Variants in GPC5 observed in about 807,000 individuals in gnomAD.
GPC5 encodes the protein glypican 5, also known as glypican-5.
GPC5 carries 47 observed loss-of-function variants against 53.9 expected under a neutral mutation model. The observed-to-expected ratio is 0.87, with a 90% CI of 0.69 to 1.11. The LOEUF (loss-of-function observed/expected upper bound fraction) is 1.11, where lower values mean the gene tolerates loss of function less well. Ranked by LOEUF, GPC5 falls within the 50% of genes most tolerant of loss-of-function variation. The pLI is 0.00. For missense variants in GPC5, 748 were observed against 713.1 expected, an observed-to-expected ratio of 1.05 and a Z score of -0.56; for synonymous variants, 286 against 263.3, an observed-to-expected ratio of 1.09 and a Z score of -0.84.
intron 7 of GPC5, among the ~76,000 whole-genome samples, chr13:92,390,146 A>G (rs1874928286): frequency 6.6e-6 from 1 of 152,184 alleles, no homozygotes. Flanking sequence ...GTCTAATGTA[A>G]TAGTTTGTCC....
intron 7 of GPC5, among the ~76,000 whole-genome samples, chr13:92,570,743 A>C (rs9584042): frequency 0.036 from 5,545 of 152,222 alleles, 288 homozygotes; most frequent in African/African-American, 0.11. Flanking sequence ...TTCAAAAGAA[A>C]GGGTGTCTGA....
rs1342590521 is a variant in GPC5 at position 92,235,483 on chromosome 13, T to C, written c.1561+90494T>C. Among the ~76,000 whole-genome samples, 5 of 152,270 alleles carry C rather than the reference T, an allele frequency of 3.3e-5. No individual in the cohort carries two copies. The South Asian group carries it at 8.3e-4, about 25-fold the overall frequency. Reference sequence around the variant, plus strand: ...AATTTTCATACCCATATTCCACACATTTATTTCACCCTTTTCTACTCATTC... The same window carrying C: ...AATTTTCATACCCATATTCCACACACTTATTTCACCCTTTTCTACTCATTC... On this transcript the variant is annotated intron_variant, in intron 7 of 7. Transcript: ENST00000377067.
At chr13:92,504,661 A>C (rs907684545) in intron 7 of GPC5, among the ~76,000 whole-genome samples, 4 of 152,146 alleles carry the variant, frequency 2.6e-5, no homozygotes, top group African/African-American at 9.6e-5. Flanking sequence ...GTCACAGAGA[A>C]GATAATCCAG....
intron 6 of GPC5, among the ~76,000 whole-genome samples, chr13:92,042,905 G>A (rs2040952598): frequency 6.6e-6 from 1 of 152,120 alleles, no homozygotes; most frequent in African/African-American, 2.4e-5. Flanking sequence ...CAGAATATTT[G>A]TAAACAATAC....
chr13:92,300,728 A>G (rs2043069894), intron 7 of GPC5, among the ~76,000 whole-genome samples: 2 of 152,230 alleles, frequency 1.3e-5, no homozygotes, highest in Non-Finnish European at 2.9e-5. Context: ...TGAGGTACCT[A>G]TCTTAAGCAA....
intron 7 of GPC5, among the ~76,000 whole-genome samples, chr13:92,341,351 CAT>C (rs1449418322): frequency 2.6e-5 from 4 of 151,970 alleles, no homozygotes; most frequent in Admixed American, 2.6e-4. Context: ...ACTGTTGTAT[CAT>C]ATATTGTCAA....
chr13:91,790,704 C>A (rs2037950477), intron 5 of GPC5, among the ~76,000 whole-genome samples: 1 of 152,222 alleles, frequency 6.6e-6, no homozygotes, highest in Non-Finnish European at 1.5e-5. Context: ...AATTACTTCT[C>A]CTCAACCTAA....
chr13:92,523,144 A>G (rs1371061989), intron 7 of GPC5, among the ~76,000 whole-genome samples: 1 of 152,162 alleles, frequency 6.6e-6, no homozygotes, highest in African/African-American at 2.4e-5. Context: ...GAAATTTATG[A>G]ATTGTTTGTA....
intron 7 of GPC5, among the ~76,000 whole-genome samples, chr13:92,651,362 G>A (rs921460897): frequency 2.0e-5 from 3 of 152,064 alleles, no homozygotes; most frequent in Admixed American, 1.3e-4. Flanking sequence ...GAAATGGTGT[G>A]ATGAAAATGG....
chr13:91,654,090 A>G (rs1160111361), intron 2 of GPC5, among the ~76,000 whole-genome samples: 2 of 152,160 alleles, frequency 1.3e-5, no homozygotes, highest in African/African-American at 4.8e-5. Flanking sequence ...TTTTAGAGGC[A>G]CCCATAGATT....
chr13:92,332,953 T>G (rs1031543716), intron 7 of GPC5, among the ~76,000 whole-genome samples: 2 of 152,124 alleles, frequency 1.3e-5, no homozygotes, highest in Admixed American at 1.3e-4. Flanking sequence ...TTTTATTAGA[T>G]CAATAAAAGA....
chr13:91,593,519 G>A (rs1043403545), intron 2 of GPC5, among the ~76,000 whole-genome samples: 4 of 152,094 alleles, frequency 2.6e-5, no homozygotes, highest in Non-Finnish European at 5.9e-5. Flanking sequence ...TTCCCACTGT[G>A]TGTGCCTGGC....
rs571264484 is a variant in GPC5 at position 92,279,090 on chromosome 13, T to C, written c.1561+134101T>C. On this transcript the variant is annotated intron_variant, in intron 7 of 7. Transcript: ENST00000377067. The stretch of plus-strand genomic sequence containing the variant: ...CATTGGGATTTTGATTGAGTTGCAC[T>C]GAATCTTCTGATTACTTTGGAAAGT... Among the ~76,000 whole-genome samples, 6 of 152,230 alleles carry C rather than the reference T, an allele frequency of 3.9e-5. No individual in the cohort carries two copies. The South Asian group carries it at 1.0e-3, about 26-fold the overall frequency.
chr13:92,635,101 A>G (rs112081852), intron 7 of GPC5, among the ~76,000 whole-genome samples: 1 of 152,076 alleles, frequency 6.6e-6, no homozygotes, highest in African/African-American at 2.4e-5. Flanking sequence ...ATTCACAGAT[A>G]AACCTTTTAT....
chr13:91,732,374 G>GT (rs1162888019), intron 4 of GPC5, among the ~76,000 whole-genome samples: 13,143 of 142,240 alleles, frequency 0.092, 597 homozygotes, highest in Middle Eastern at 0.14. Context: ...ACTTTTTGAT[G>GT]TTTTTTTTTT....
At chr13:92,430,640 G>T (rs1352664658) in intron 7 of GPC5, among the ~76,000 whole-genome samples, 2 of 152,124 alleles carry the variant, frequency 1.3e-5, no homozygotes, top group Non-Finnish European at 2.9e-5. Flanking sequence ...ACTGGGTAAG[G>T]AAGATAATCA....
intron 7 of GPC5, among the ~76,000 whole-genome samples, chr13:92,754,240 G>T (rs1183160855): frequency 6.6e-6 from 1 of 152,124 alleles, no homozygotes; most frequent in African/African-American, 2.4e-5. Flanking sequence ...AGCTTCATAA[G>T]TGAAGGAGAA....
intron 6 of GPC5, among the ~76,000 whole-genome samples, chr13:92,033,200 T>G (rs907104944): frequency 1.3e-5 from 2 of 152,122 alleles, no homozygotes; most frequent in Non-Finnish European, 2.9e-5. Flanking sequence ...AGTATTTGAT[T>G]TTGTTCAAAA....
chr13:92,807,287 T>G (rs1877131656), intron 7 of GPC5, among the ~76,000 whole-genome samples: 1 of 152,094 alleles, frequency 6.6e-6, no homozygotes, highest in Non-Finnish European at 1.5e-5. Context: ...ATAGAAATTA[T>G]TTTAAAGAAA....
Sources: gnomAD v4.1 joint callset for allele counts (sites outside exome capture counted in the v4.1 genomes callset) on GRCh38, gnomAD v4.1.1 for gene constraint, MANE v1.5 for transcripts, NCBI Gene and HGNC (gene_info 2026-07-23, HGNC 2026-07-21) for gene names.